Variants in DPEP1 observed in about 807,000 individuals in gnomAD.
The protein encoded by DPEP1 is dipeptidase 1, also known as beta-lactamase.
Under a neutral mutation model 42.3 loss-of-function variants are expected in DPEP1, and 50 were observed. The observed-to-expected ratio is 1.18, with a 90% CI of 0.94 to 1.50. DPEP1 has a LOEUF of 1.50. Among genes scored for constraint, DPEP1 ranks in the 40% most tolerant of loss-of-function variants. The pLI, the probability that DPEP1 is intolerant of heterozygous loss-of-function variation, is 0.00. For synonymous variants in DPEP1, 297 were observed against 234.0 expected, an observed-to-expected ratio of 1.27 and a Z score of -2.46; for missense variants, 663 against 553.0, an observed-to-expected ratio of 1.20 and a Z score of -1.99.
In DPEP1 at chr16:89,638,212, C is replaced by G. The variant is rs2059710465; in HGVS notation, c.1226C>G (p.Ser409Cys). 4 of 1,564,988 alleles carry G rather than the reference C, an allele frequency of 2.6e-6. No individual in the cohort carries two copies. The highest frequency in any genetic ancestry group is 3.5e-6 in the Non-Finnish European group (4 of 1,154,674). ...ASLAPLVLCL[S>C]LL Reference sequence around the variant, plus strand: ...CTCGCTCCCCTGGTCCTCTGTCTGTCTCTCCTGTGAAACCTGGGAGACCAG... The same window carrying G: ...CTCGCTCCCCTGGTCCTCTGTCTGTGTCTCCTGTGAAACCTGGGAGACCAG... The change falls in exon 11 of 11, where the codon TCT becomes TGT. Residue 409 changes from serine to cysteine, a missense_variant. Transcript: ENST00000690203.
In DPEP1 at chr16:89,637,668, G is replaced by C. The variant is rs2059701061; in HGVS notation, c.890G>C (p.Arg297Thr). Reference sequence around the variant, plus strand: ...CACATCAAGGAGGTGGCAGGAGCCAGAGCCGTGGGTTTTGGTGGGGACTTT... The same window carrying C: ...CACATCAAGGAGGTGGCAGGAGCCACAGCCGTGGGTTTTGGTGGGGACTTT... ...LDHIKEVAGA[R>T]AVGFGGDFDG... The change falls in exon 9 of 11, where the codon AGA becomes ACA. Residue 297 changes from arginine to threonine, a missense_variant. Physicochemically the swap from Arg to Thr is moderately conservative, Grantham distance 71. Transcript: ENST00000690203. The C allele has an allele frequency of 6.2e-6, 10 of 1,613,102 alleles. 1 individual carries two copies. The highest frequency in any genetic ancestry group is 7.6e-6 in the Non-Finnish European group (9 of 1,180,010).
At chr16:89,627,055 A>C (rs568398175) in intron 1 of DPEP1, among the ~76,000 whole-genome samples, 1 of 150,942 alleles carries the variant, frequency 6.6e-6, no homozygotes, top group Non-Finnish European at 1.5e-5. Flanking sequence ...AGGTCAGGAG[A>C]TCGAGACCAT....
intron 1 of DPEP1, among the ~76,000 whole-genome samples, chr16:89,616,610 G>A (rs980194761): frequency 6.6e-6 from 1 of 152,196 alleles, no homozygotes. Context: ...CAGGATTCCC[G>A]GGTGGCTTAA....
chr16:89,630,550 A>G (rs2059571186), intron 2 of DPEP1, 36 bp downstream of exon 2: 2 of 1,265,124 alleles, frequency 1.6e-6, no homozygotes, highest in Non-Finnish European at 2.1e-6. Context: ...TTAGGGAACC[A>G]GGACTGGGAA....
At chr16:89,614,638 A>C (rs909799742) in intron 1 of DPEP1, among the ~76,000 whole-genome samples, 4 of 152,094 alleles carry the variant, frequency 2.6e-5, no homozygotes, top group African/African-American at 9.7e-5. Flanking sequence ...AATAAAAAAT[A>C]CAAAAAATTA....
At chr16:89,624,138 T>C (rs2059478668) in intron 1 of DPEP1, among the ~76,000 whole-genome samples, 1 of 152,126 alleles carries the variant, frequency 6.6e-6, no homozygotes, top group African/African-American at 2.4e-5. Context: ...GCCGACCCGC[T>C]GCTAGGGAAT....
intron 1 of DPEP1, among the ~76,000 whole-genome samples, chr16:89,629,185 T>C (rs1279378967): frequency 2.0e-5 from 3 of 152,168 alleles, no homozygotes; most frequent in Admixed American, 6.5e-5. Flanking sequence ...TCTGATTTTT[T>C]TAAAATATTG....
chr16:89,613,411 A>T (rs1289540315), upstream of DPEP1: 1 of 152,308 alleles, frequency 6.6e-6, no homozygotes, highest in African/African-American at 2.4e-5. Flanking sequence ...GGAGGTCAGG[A>T]CGCAGAGCCA....
rs377509384 is a variant in DPEP1 at position 89,634,091 on chromosome 16, C to T, written c.105-1817C>T. On this transcript the variant is annotated intron_variant, in intron 2 of 10. Transcript: ENST00000690203. ...TATTTTTCTTTTCTCTTCTCTTCTT[C>T]TTTTTTTTTTTTTTTTGGAGGGAGT... is the stretch of plus-strand genomic sequence containing the variant. 1.1e-3 allele frequency among the ~76,000 whole-genome samples: 141 copies of T among 123,680 alleles called. 3 individuals carry two copies. The highest frequency in any genetic ancestry group is 4.0e-3 in the Middle Eastern group (1 of 250). The allele number at this position is 123,680 out of a possible 152,430, so 81.1% of individuals were successfully genotyped here.
At chr16:89,613,902 C>T (rs1260002391) in intron 1 of DPEP1, among the ~76,000 whole-genome samples, 183 bp downstream of exon 1, 1 of 148,146 alleles carries the variant, frequency 6.8e-6, no homozygotes, top group Non-Finnish European at 1.5e-5. Flanking sequence ...GGGGACGGGG[C>T]GGCTTCCTGG....
At chr16:89,631,861 TA>T (rs1223178584) in intron 2 of DPEP1, among the ~76,000 whole-genome samples, 1 of 151,760 alleles carries the variant, frequency 6.6e-6, no homozygotes, top group East Asian at 1.9e-4. Flanking sequence ...CATCTCAAAT[TA>T]AAAAAACTTA....
chr16:89,635,413 C>G (rs2059663808), intron 2 of DPEP1, among the ~76,000 whole-genome samples: 1 of 152,214 alleles, frequency 6.6e-6, no homozygotes, highest in South Asian at 2.1e-4. Context: ...ACACCCTGCT[C>G]CCCAGGAGGA....
intron 1 of DPEP1, among the ~76,000 whole-genome samples, chr16:89,628,439 G>C (rs1035682985): frequency 6.7e-6 from 1 of 148,696 alleles, no homozygotes; most frequent in Admixed American, 6.7e-5. Flanking sequence ...TGTATTTTTA[G>C]TAGAGACGGG....
At chr16:89,627,577 A>T (rs2059530958) in intron 1 of DPEP1, among the ~76,000 whole-genome samples, 1 of 144,964 alleles carries the variant, frequency 6.9e-6, no homozygotes, top group Non-Finnish European at 1.5e-5. Flanking sequence ...TCTGTCTCAG[A>T]GAGAGAGAGA....
At chr16:89,639,059 C>T (rs1218971263), downstream of DPEP1, among the ~76,000 whole-genome samples, 1 of 82,182 alleles carries the variant, frequency 1.2e-5, no homozygotes, top group Admixed American at 1.2e-4. Context: ...ACACACCCAC[C>T]GCACCCCTGC....
intron 1 of DPEP1, among the ~76,000 whole-genome samples, chr16:89,618,485 T>G (rs112382890): frequency 3.3e-5 from 5 of 152,182 alleles, no homozygotes; most frequent in Admixed American, 1.3e-4. Flanking sequence ...CCCAAAGTGC[T>G]GGGATCACAG....
At position 89,629,074 on chromosome 16, in the gene DPEP1, G is replaced by A. The variant is rs546765938; in HGVS notation, c.-106-1231G>A. Among the ~76,000 whole-genome samples the A allele has an allele frequency of 7.8e-4, 118 of 152,254 alleles. 1 individual carries two copies. The highest frequency in any genetic ancestry group is 2.7e-3 in the African/African-American group (112 of 41,532). On this transcript the variant is annotated intron_variant, in intron 1 of 10. Coordinates refer to ENST00000690203, the MANE Select transcript of DPEP1 (RefSeq NM_001389466.1). ...ACTCCTGACCTCAAGTGATCCATCC[G>A]CTTCGGCCTCCCAAAGTGCTGGGAT...
intron 1 of DPEP1, among the ~76,000 whole-genome samples, chr16:89,614,402 A>T (rs764828391): frequency 6.6e-6 from 1 of 152,154 alleles, no homozygotes; most frequent in Non-Finnish European, 1.5e-5. Context: ...CTGTTCTGGA[A>T]TTCTCTGCGC....
intron 2 of DPEP1, among the ~76,000 whole-genome samples, chr16:89,633,916 C>G (rs915917802): frequency 6.6e-6 from 1 of 152,110 alleles, no homozygotes; most frequent in Admixed American, 6.6e-5. Flanking sequence ...GACTGAGGCC[C>G]CAGACCCAGT....
Sources: gnomAD v4.1 joint callset for allele counts (sites outside exome capture counted in the v4.1 genomes callset) on GRCh38, gnomAD v4.1.1 for gene constraint, MANE v1.5 for transcripts, NCBI Gene and HGNC (gene_info 2026-07-23, HGNC 2026-07-21) for gene names.